PLXNA1: variants seen among roughly 807,000 people sequenced by gnomAD.
The protein encoded by PLXNA1 is plexin A1.
A neutral mutation model predicts 191.7 loss-of-function variants in PLXNA1; 77 were observed. That is an observed-to-expected ratio of 0.40 (90% confidence interval 0.33 to 0.49). The LOEUF (loss-of-function observed/expected upper bound fraction) is 0.49. Ranked by LOEUF, PLXNA1 falls within the 20% of genes least tolerant of loss-of-function variation. The pLI, the probability that PLXNA1 is intolerant of heterozygous loss-of-function variation, is 0.63. For missense variants in PLXNA1, 2,110 were observed against 2,660.2 expected, an observed-to-expected ratio of 0.79 and a Z score of 4.55; for synonymous variants, 1,137 against 1,156.4, an observed-to-expected ratio of 0.98 and a Z score of 0.34.
chr3:127,022,803 G>T lies in PLXNA1; in HGVS notation c.4347G>T (p.Leu1449Phe), dbSNP rs1219126482. Residue 1449 changes from leucine to phenylalanine, a missense_variant, in exon 23 of 32, where the codon TTG (leucine) becomes TTT (phenylalanine). Around this residue, in one of 4 missense-constraint regions of PLXNA1, gnomAD observed 559 missense variants for 911.5 expected, o/e 0.61. Coordinates refer to ENST00000393409, the MANE Select transcript of PLXNA1 (RefSeq NM_032242.4). ...TAACTAACTGGTTCACCTTCCTCTTGTATAAGTTCCTCAAGGTAAGCAGAG... is the reference window on the plus strand; with the variant it reads ...TAACTAACTGGTTCACCTTCCTCTTTTATAAGTTCCTCAAGGTAAGCAGAG... ...KMLTNWFTFL[L>F]YKFLKECAGE... 7 of 1,613,924 alleles carry T rather than the reference G, an allele frequency of 4.3e-6. No homozygotes were observed. Among genetic ancestry groups the T allele is most frequent in the Non-Finnish European group, 5.9e-6 (7 of 1,179,956 alleles).
At chr3:127,008,058 G>A (rs544319451) in intron 9 of PLXNA1, 145 bp downstream of exon 9, 1 of 579,980 alleles carries the variant, frequency 1.7e-6, no homozygotes, top group East Asian at 3.0e-5. Context: ...TGCACCACCA[G>A]GCTGGGTCAG....
intron 3 of PLXNA1, among the ~76,000 whole-genome samples, chr3:127,000,550 CCTT>C (rs776543276): frequency 2.6e-5 from 4 of 152,240 alleles, no homozygotes; most frequent in Non-Finnish European, 5.9e-5. Flanking sequence ...ACTGGCTCCC[CCTT>C]CCCACTTTAC....
chr3:127,028,903 T>TGCAG, intron 25 of PLXNA1, 90 bp from the exon 26 acceptor site: 1 of 935,898 alleles, frequency 1.1e-6, no homozygotes, highest in Non-Finnish European at 1.6e-6. Flanking sequence ...TGCTGAGAGC[T>TGCAG]GCAGGCAGGC....
intron 19 of PLXNA1, 78 bp from the exon 20 acceptor site, chr3:127,018,216 G>A: frequency 7.9e-7 from 1 of 1,267,164 alleles, no homozygotes; most frequent in Non-Finnish European, 1.1e-6. Context: ...GTTGGGGGTG[G>A]GTCTTGCCCA....
Position 127,034,840 on chromosome 3 carries a change from C to T in PLXNA1, c.*823C>T, listed in dbSNP as rs1341735772. The T allele has an allele frequency of 6.5e-6, 1 of 152,712 alleles. No individual in the cohort carries two copies. The highest frequency in any genetic ancestry group is 1.5e-5 in the Non-Finnish European group (1 of 68,092). The allele number at this position is 152,712 out of a possible 1,614,324, so 9.5% of individuals were successfully genotyped here. A position where few individuals can be genotyped will look rare whatever the true frequency, so the allele number is the denominator to read the frequency against. On this transcript the variant is annotated 3_prime_UTR_variant, in exon 32 of 32. Transcript: ENST00000393409. ...GAGCACGTTCCCGTTATTTATTCCC[C>T]TCCGCGTCCTACACAGGCTGCCCTG...
chr3:127,017,817 A>T lies in PLXNA1; in HGVS notation c.3585A>T (p.Thr1195=). The T allele has an allele frequency of 6.2e-7, 1 of 1,612,636 alleles. No homozygotes were observed. Among genetic ancestry groups the T allele is most frequent in the South Asian group, 1.1e-5 (1 of 91,036 alleles). Residue 1195 remains threonine (T), a synonymous_variant, in exon 19 of 32, where the codon ACA becomes ACT. Coordinates refer to ENST00000393409, the MANE Select transcript of PLXNA1 (RefSeq NM_032242.4). The stretch of plus-strand genomic sequence containing the variant: ...ACTACACGGTGCTCATCGGCTCCAC[A>T]CCCTGTACCCTCACCGTGTCGGAGA... ...RLNYTVLIGS[T]PCTLTVSETQ...
chr3:127,029,621 G>T, intron 27 of PLXNA1, 85 bp downstream of exon 27: 2 of 1,435,806 alleles, frequency 1.4e-6, no homozygotes, highest in Non-Finnish European at 2.0e-6. Context: ...CGCTGCAGCA[G>T]CCGGACGGGA....
chr3:126,989,435 A>C lies in PLXNA1; in HGVS notation c.842A>C (p.Lys281Thr). 1 of 1,613,586 alleles carries C rather than the reference A, an allele frequency of 6.2e-7. No individual in the cohort carries two copies. Among genetic ancestry groups the C allele is most frequent in the Non-Finnish European group, 8.5e-7 (1 of 1,180,038 alleles). The change falls in exon 2 of 32, where the codon AAG becomes ACG. Residue 281 changes from lysine (K) to threonine (T), a missense_variant. Lys to Thr is a moderately conservative substitution (Grantham distance 78). Around this residue, in one of 4 missense-constraint regions of PLXNA1, gnomAD observed 903 missense variants for 1,015.7 expected, o/e 0.89. Coordinates refer to ENST00000393409, the MANE Select transcript of PLXNA1 (RefSeq NM_032242.4). ...DAAGEHFFTSKIVRLCVDDPK... is the reference protein window; with the variant it reads ...DAAGEHFFTSTIVRLCVDDPK... The stretch of plus-strand genomic sequence containing the variant: ...GCCGGCGAGCACTTCTTCACGTCCA[A>C]GATCGTGCGGCTCTGTGTGGACGAC...
In PLXNA1 at chr3:127,014,125, G is replaced by A; in HGVS notation, c.2410+9G>A. On this transcript the variant is annotated intron_variant, in intron 11 of 31. Coordinates refer to ENST00000393409, the MANE Select transcript of PLXNA1 (RefSeq NM_032242.4). ...CCCACAGAACATCCAGGGTGAGTGG[G>A]CGCCCCGGCGGGGTGGGCAGTGGGC... 6.2e-7 allele frequency: 1 copy of A among 1,613,492 alleles called. No homozygotes were observed. The highest frequency in any genetic ancestry group is 2.2e-5 in the East Asian group (1 of 44,866).
At chr3:127,020,795 C>T (rs964606480) in intron 21 of PLXNA1, among the ~76,000 whole-genome samples, 5 of 152,160 alleles carry the variant, frequency 3.3e-5, no homozygotes, top group Admixed American at 2.6e-4. Flanking sequence ...TGCGAAGCCT[C>T]GCTGGGCAGG....
chr3:126,985,227 T>G (rs947153404), intron 1 of PLXNA1, among the ~76,000 whole-genome samples: 10 of 152,100 alleles, frequency 6.6e-5, no homozygotes, highest in African/African-American at 2.4e-4. Flanking sequence ...ACTGTTGGCT[T>G]GGCGTTCCAC....
Position 126,991,489 on chromosome 3 carries a change from C to A in PLXNA1, c.1300C>A (p.Leu434Met). 1 of 1,612,606 alleles carries A rather than the reference C, an allele frequency of 6.2e-7. No homozygotes were observed. ...TPLFVDKDDG[L>M]TAVAAYDYRG... ...CCTGTTCGTGGACAAGGATGATGGC[C>A]TGACCGCCGTGGCTGCCTATGACTA... Residue 434 changes from leucine (L) to methionine (M), a missense_variant, in exon 3 of 32, where the codon CTG becomes ATG. By Grantham distance (15) the Leu-to-Met change is conservative (BLOSUM62 2). This residue lies in a region of PLXNA1 where 903 missense variants were observed against 1,015.7 expected (regional missense o/e 0.89). Coordinates refer to ENST00000393409, the MANE Select transcript of PLXNA1 (RefSeq NM_032242.4).
rs1286413097 is a variant in PLXNA1 at position 127,017,811 on chromosome 3, C to T, written c.3579C>T (p.Gly1193=). ...NSRLNYTVLI[G]STPCTLTVSE... is the part of the protein sequence containing the mutation. The stretch of plus-strand genomic sequence containing the variant: ...GACTCAACTACACGGTGCTCATCGG[C>T]TCCACACCCTGTACCCTCACCGTGT... Residue 1193 remains glycine (G), a synonymous_variant, in exon 19 of 32, where the codon GGC becomes GGT. Coordinates refer to ENST00000393409, the MANE Select transcript of PLXNA1 (RefSeq NM_032242.4). The T allele has an allele frequency of 2.5e-6, 4 of 1,613,044 alleles. No homozygotes were observed. Among genetic ancestry groups the T allele is most frequent in the South Asian group, 1.1e-5 (1 of 91,070 alleles).
At position 126,988,818 on chromosome 3, in the gene PLXNA1, G is replaced by A. The variant is rs540036317; in HGVS notation, c.225G>A (p.Ser75=). ...CAGTGAACCGCATCTATAAGCTGTC[G>A]GGGAACCTGACACTGCTGCGGGCCC... ...VGAVNRIYKL[S]GNLTLLRAHV... The change falls in exon 2 of 32, where the codon TCG becomes TCA. Residue 75 remains serine, a synonymous_variant. Transcript: ENST00000393409. The A allele has an allele frequency of 7.1e-5, 115 of 1,613,298 alleles. 1 individual carries two copies. The highest frequency in any genetic ancestry group is 1.4e-4 in the South Asian group (13 of 91,022).
At position 127,018,645 on chromosome 3, in the gene PLXNA1, T is replaced by C. The variant is rs148996078; in HGVS notation, c.3895+117T>C. The C allele has an allele frequency of 2.2e-3, 1,778 of 805,004 alleles. 20 individuals carry two copies. In the African/African-American group the frequency reaches 0.025, roughly 11 times the overall value. The allele number at this position is 805,004 out of a possible 1,614,324, so 49.9% of individuals were successfully genotyped here. On this transcript the variant is annotated intron_variant, in intron 20 of 31. Coordinates refer to ENST00000393409, the MANE Select transcript of PLXNA1 (RefSeq NM_032242.4). Reference sequence around the variant, plus strand: ...CCTGCTTCAGCTCAGTTTACAATGTTCCTGATAGCCTTGCTGTGCCAGAGC... The same window carrying C: ...CCTGCTTCAGCTCAGTTTACAATGTCCCTGATAGCCTTGCTGTGCCAGAGC...
At chr3:127,001,268 C>T (rs1215392561) in intron 3 of PLXNA1, among the ~76,000 whole-genome samples, 1 of 152,222 alleles carries the variant, frequency 6.6e-6, no homozygotes, top group Non-Finnish European at 1.5e-5. Context: ...GCCCCCAACC[C>T]TGAGTGGGTG....
At chr3:127,009,329 A>G (rs930241837) in intron 9 of PLXNA1, among the ~76,000 whole-genome samples, 1 of 151,960 alleles carries the variant, frequency 6.6e-6, no homozygotes, top group Non-Finnish European at 1.5e-5. Flanking sequence ...GAGTGGAGGA[A>G]GTGGCCCCTG....
rs765903135 is a variant in PLXNA1 at position 127,028,167 on chromosome 3, C to T, written c.4510-14C>T. On this transcript the variant is annotated splice_polypyrimidine_tract_variant and intron_variant, in intron 24 of 31. Coordinates refer to ENST00000393409, the MANE Select transcript of PLXNA1 (RefSeq NM_032242.4). ...TGGGGCTGACGCTGCCCCCTTGCTC[C>T]ACCCCGCCCGCAGACCCTGAACTGT... 2 of 1,613,172 alleles carry T rather than the reference C, an allele frequency of 1.2e-6. No homozygotes were observed. Among genetic ancestry groups the T allele is most frequent in the Admixed American group, 1.7e-5 (1 of 59,998 alleles).
At chr3:127,023,754 G>A (rs866284752) in intron 23 of PLXNA1, among the ~76,000 whole-genome samples, 19 of 152,306 alleles carry the variant, frequency 1.2e-4, no homozygotes, top group Admixed American at 8.5e-4. Flanking sequence ...CCTCGCTGCC[G>A]GGAGAGACAC....
Sources: gnomAD v4.1 joint callset for allele counts (sites outside exome capture counted in the v4.1 genomes callset) on GRCh38, gnomAD v4.1.1 for gene constraint, gnomAD v4.1.1 regional missense constraint, MANE v1.5 for transcripts, NCBI Gene and HGNC (gene_info 2026-07-23, HGNC 2026-07-21) for gene names.